The following FUBP3 variants were observed in gnomAD, a reference collection of about 807,000 sequenced individuals.
FUBP3 encodes far upstream element-binding protein 3.
FUBP3 carries 28 observed loss-of-function variants against 85.6 expected under a neutral mutation model. The observed-to-expected ratio is 0.33, with a 90% confidence interval of 0.24 to 0.45. FUBP3 has a LOEUF of 0.45. Ranked by LOEUF, FUBP3 falls within the 20% of genes least tolerant of loss-of-function variation. The probability of loss-of-function intolerance (pLI) is 1.00; values close to 1 mark genes in which losing one functional copy is unlikely to be tolerated. For synonymous variants in FUBP3, 271 were observed against 271.4 expected (o/e 1.00, Z 0.01); for missense variants, 583 against 755.1 (o/e 0.77, Z 2.67).
chr9:130,617,694 G>A lies in FUBP3; in HGVS notation c.568-103G>A. The A allele has an allele frequency of 1.9e-5, 15 of 798,368 alleles. No individual in the cohort carries two copies. In the South Asian group the frequency reaches 2.1e-4, roughly 11 times the overall value. The allele number at this position is 798,368 out of a possible 1,614,324, so 49.5% of individuals were successfully genotyped here. A position where few individuals can be genotyped will look rare whatever the true frequency, so the allele number is the denominator to read the frequency against. On this transcript the variant is annotated intron_variant, in intron 7 of 18. Transcript: ENST00000319725. ...GGAAGGCAGTCCCTGGTGGTAGGTG[G>A]GATGTGCGCTTATTGTGGGTGTGAC...
chr9:130,619,700 C>T (rs1466613625), intron 8 of FUBP3, among the ~76,000 whole-genome samples: 1 of 152,188 alleles, frequency 6.6e-6, no homozygotes, highest in Non-Finnish European at 1.5e-5. Context: ...GGTTGGCCAA[C>T]ATGCAGTGAT....
At chr9:130,631,472 C>G (rs1308119772) in intron 13 of FUBP3, 85 bp from the exon 14 acceptor site, 53 of 1,388,988 alleles carry the variant, frequency 3.8e-5, no homozygotes, top group Non-Finnish European at 5.3e-5. Context: ...TCCCCAAAAG[C>G]TGGGCTTTGC....
intron 16 of FUBP3, among the ~76,000 whole-genome samples, chr9:130,632,843 G>A (rs766931716): frequency 6.6e-6 from 1 of 152,258 alleles, no homozygotes; most frequent in Non-Finnish European, 1.5e-5. Flanking sequence ...CCCCACAGAC[G>A]CTTCAGGAAC....
chr9:130,620,064 A>G (rs991369434), intron 8 of FUBP3, among the ~76,000 whole-genome samples: 10 of 152,224 alleles, frequency 6.6e-5, no homozygotes, highest in Non-Finnish European at 1.3e-4. Context: ...AAAAACACCT[A>G]GGGGTGATAG....
At chr9:130,625,924 TG>T (rs1276465242) in intron 11 of FUBP3, among the ~76,000 whole-genome samples, 2 of 152,148 alleles carry the variant, frequency 1.3e-5, no homozygotes, top group African/African-American at 4.8e-5. Flanking sequence ...TAGCAGTGCC[TG>T]GTTGGGGAGG....
Position 130,579,669 on chromosome 9 carries a change from G to T in FUBP3, c.-12G>T, listed in dbSNP as rs1309859997. The T allele has an allele frequency of 4.0e-6, 5 of 1,246,996 alleles. No individual in the cohort carries two copies. Among genetic ancestry groups the T allele is most frequent in the Non-Finnish European group, 5.0e-6 (5 of 994,162 alleles). 77.2% of individuals were successfully genotyped at this position (1,246,996 alleles called of 1,614,324 possible). A position where few individuals can be genotyped will look rare whatever the true frequency, so the allele number is the denominator to read the frequency against. On this transcript the variant is annotated 5_prime_UTR_variant, in exon 1 of 19. Coordinates refer to ENST00000319725, the MANE Select transcript of FUBP3 (RefSeq NM_003934.2). ...GGCGTCGGCGGCGGCGGCGACGGCG[G>T]CGGGGGCGGTAATGGCGGAGCTGGT...
intron 12 of FUBP3, among the ~76,000 whole-genome samples, chr9:130,629,809 C>T (rs1379869471): frequency 6.6e-6 from 1 of 152,178 alleles, no homozygotes; most frequent in African/African-American, 2.4e-5. Flanking sequence ...CCAAGTTATC[C>T]TTGTATTCTG....
intron 2 of FUBP3, among the ~76,000 whole-genome samples, chr9:130,607,907 G>C (rs1831543518): frequency 6.6e-6 from 1 of 152,230 alleles, no homozygotes; most frequent in African/African-American, 2.4e-5. Context: ...TGGGATGATA[G>C]TGTGAACATT....
intron 2 of FUBP3, among the ~76,000 whole-genome samples, chr9:130,601,304 G>T (rs961098066): frequency 2.6e-5 from 4 of 152,178 alleles, no homozygotes; most frequent in African/African-American, 9.6e-5. Flanking sequence ...TCTCATGTTT[G>T]CCCAGAGCTG....
chr9:130,596,404 G>A (rs1830867452), intron 2 of FUBP3, among the ~76,000 whole-genome samples: 1 of 152,194 alleles, frequency 6.6e-6, no homozygotes, highest in Non-Finnish European at 1.5e-5. Flanking sequence ...AAATGAAGAT[G>A]TAGAACAGTA....
chr9:130,616,832 G>A lies in FUBP3; in HGVS notation c.567+315G>A, dbSNP rs1832031631. ...ATAGGACAGCATCTCAGATAAAAGT[G>A]CAGTATTTGGAGTCAGAGGCTCTGA... On this transcript the variant is annotated intron_variant, in intron 7 of 18. Transcript: ENST00000319725. This position sits in a 1 kb window ranked among gnomAD's most constrained non-coding sequence, Gnocchi z 4.7. Among the ~76,000 whole-genome samples the A allele has an allele frequency of 6.6e-6, 1 of 152,268 alleles. No individual in the cohort carries two copies. Among genetic ancestry groups the A allele is most frequent in the Non-Finnish European group, 1.5e-5 (1 of 68,048 alleles).
intron 1 of FUBP3, among the ~76,000 whole-genome samples, chr9:130,588,692 A>G (rs183699655): frequency 8.3e-4 from 127 of 152,300 alleles, no homozygotes; most frequent in Middle Eastern, 3.4e-3. Flanking sequence ...CACTGTGACA[A>G]TTAAATGAGG....
At chr9:130,584,491 G>A (rs1180571873) in intron 1 of FUBP3, among the ~76,000 whole-genome samples, 1 of 151,946 alleles carries the variant, frequency 6.6e-6, no homozygotes, top group Non-Finnish European at 1.5e-5. Flanking sequence ...TCGTGCCATT[G>A]CATTCAAGCC....
At chr9:130,596,613 C>T (rs966020744) in intron 2 of FUBP3, 5 of 405,158 alleles carry the variant, frequency 1.2e-5, no homozygotes, top group African/African-American at 6.4e-5. Context: ...CCTCCCACCT[C>T]GGCTTCCCAA....
At chr9:130,628,835 TCA>T (rs1830097831) in intron 12 of FUBP3, among the ~76,000 whole-genome samples, 5 of 152,172 alleles carry the variant, frequency 3.3e-5, no homozygotes, top group Non-Finnish European at 7.3e-5. Context: ...AGTGGCGTGA[TCA>T]TGGCTCACTG....
At chr9:130,583,246 C>T (rs1330534146) in intron 1 of FUBP3, among the ~76,000 whole-genome samples, 2 of 152,178 alleles carry the variant, frequency 1.3e-5, no homozygotes, top group Non-Finnish European at 2.9e-5. Flanking sequence ...GAAAATCTCT[C>T]CCAGTGCTGC....
intron 1 of FUBP3, among the ~76,000 whole-genome samples, chr9:130,588,177 TAA>T (rs1390091152): frequency 3.3e-5 from 5 of 152,180 alleles, no homozygotes; most frequent in African/African-American, 1.2e-4. Flanking sequence ...ATGTGATTAT[TAA>T]GAGACAAACT....
In FUBP3 at chr9:130,617,800, C is replaced by G; in HGVS notation, c.571C>G (p.Arg191Gly). ...TGCTGGTGTGTGTTCCCCACAGGAGCGGACAGGGGTGAAGATGGTCATGAT... is the reference window on the plus strand; with the variant it reads ...TGCTGGTGTGTGTTCCCCACAGGAGGGGACAGGGGTGAAGATGGTCATGAT... ...GGETIKQLQERTGVKMVMIQD... is the reference protein window; with the variant it reads ...GGETIKQLQEGTGVKMVMIQD... The change falls in exon 8 of 19, where the codon CGG becomes GGG. Residue 191 changes from arginine to glycine, a missense_variant. Arg to Gly is a moderately radical substitution (Grantham distance 125, BLOSUM62 -2). Transcript: ENST00000319725. 1 of 1,581,984 alleles carries G rather than the reference C, an allele frequency of 6.3e-7. No homozygotes were observed. Among genetic ancestry groups the G allele is most frequent in the Non-Finnish European group, 8.7e-7 (1 of 1,150,712 alleles).
chr9:130,619,745 A>C (rs1487537195), intron 8 of FUBP3, among the ~76,000 whole-genome samples: 6 of 152,232 alleles, frequency 3.9e-5, no homozygotes, highest in Non-Finnish European at 8.8e-5. Context: ...GGAGAAGAAC[A>C]CTTGAATCTG....
Sources: gnomAD v4.1 joint callset for allele counts (sites outside exome capture counted in the v4.1 genomes callset) on GRCh38, gnomAD v4.1.1 for gene constraint, Gnocchi (gnomAD v3.1) non-coding constraint, MANE v1.5 for transcripts, NCBI Gene and HGNC (gene_info 2026-07-23, HGNC 2026-07-21) for gene names.